Variants in NEB observed in about 807,000 individuals in gnomAD.
The protein encoded by NEB is nemaline myopathy type 2.
A neutral mutation model predicts 952.2 loss-of-function variants in NEB; 512 were observed. The ratio of observed to expected loss-of-function variants is 0.54; its 90% CI spans 0.50 to 0.58. The LOEUF (loss-of-function observed/expected upper bound fraction) is 0.58. Among genes scored for constraint, NEB ranks in the 20% least tolerant of loss-of-function variants. NEB has a pLI of 0.00. For synonymous variants in NEB, 2,900 were observed against 3,149.8 expected (o/e 0.92, Z 2.66); for missense variants, 8,428 against 9,231.1 (o/e 0.91, Z 3.56).
At position 151,697,373 on chromosome 2, in the gene NEB, T is replaced by A; in HGVS notation, c.1342A>T (p.Lys448Ter). Residue 448 changes from lysine (K) to a stop codon, truncating the protein, a stop_gained, in exon 15 of 182, where the codon AAA becomes TAA. Transcript: ENST00000397345. LOFTEE classifies it high-confidence loss of function. ...FEDPYHSHCM[K>*]VTAQNSDKNY... ...ACATCACTGTTTTGAGCTGTGACTT[T>A]CATGCAGTGTGAATGGTATGGATCC... 1 of 1,613,928 alleles carries A rather than the reference T, an allele frequency of 6.2e-7. No individual in the cohort carries two copies. The highest frequency in any genetic ancestry group is 8.5e-7 in the Non-Finnish European group (1 of 1,179,806).
At chr2:151,636,086 A>G (rs1444607206) in intron 64 of NEB, 141 bp downstream of exon 64, 4 of 721,652 alleles carry the variant, frequency 5.5e-6, no homozygotes, top group Non-Finnish European at 9.1e-6. Flanking sequence ...ATTTCCCTTA[A>G]AACTGAGGTT....
At chr2:151,506,550 T>C (rs1411120405) in intron 163 of NEB, among the ~76,000 whole-genome samples, 3 of 152,118 alleles carry the variant, frequency 2.0e-5, no homozygotes, top group Non-Finnish European at 4.4e-5. Flanking sequence ...CCTCCCCATA[T>C]GTAACACAAA....
chr2:151,548,245 T>C (rs980623311), intron 131 of NEB, 63 bp downstream of exon 131: 72 of 1,344,938 alleles, frequency 5.4e-5, no homozygotes, highest in Non-Finnish European at 6.4e-6. Context: ...TCTTAATGCA[T>C]TTCAAACAAA....
At chr2:151,556,922 C>G (rs111428600) in intron 124 of NEB, among the ~76,000 whole-genome samples, 7,867 of 152,006 alleles carry the variant, frequency 0.052, 654 homozygotes, top group African/African-American at 0.18. Context: ...CAGGAAAGAT[C>G]TAAAACTGAC....
At chr2:151,629,442 T>C (rs998123816) in intron 68 of NEB, 97 bp downstream of exon 68, 10 of 1,006,430 alleles carry the variant, frequency 9.9e-6, no homozygotes, top group African/African-American at 6.5e-5. Flanking sequence ...AACAAGCCAA[T>C]AAATGTGCTT....
intron 76 of NEB, among the ~76,000 whole-genome samples, chr2:151,615,437 G>A (rs1259609866): frequency 6.6e-6 from 1 of 152,200 alleles, no homozygotes; most frequent in Admixed American, 6.5e-5. Flanking sequence ...TAGAGAAGAG[G>A]CAAGCGGGTA....
intron 88 of NEB, among the ~76,000 whole-genome samples, chr2:151,601,136 C>T (rs2097509552): frequency 8.5e-6 from 1 of 117,594 alleles, no homozygotes; most frequent in Non-Finnish European, 1.6e-5. Context: ...GAGACAGAGT[C>T]TCGCTCTGCT....
chr2:151,609,214 G>T (rs1291404935), intron 81 of NEB, among the ~76,000 whole-genome samples: 1 of 151,418 alleles, frequency 6.6e-6, no homozygotes, highest in Non-Finnish European at 1.5e-5. Flanking sequence ...AAAAAAAAAA[G>T]GAAAAACATT....
Position 151,643,308 on chromosome 2 carries a change from T to A in NEB, c.8002A>T (p.Met2668Leu). 6.2e-7 allele frequency: 1 copy of A among 1,613,638 alleles called. No homozygotes were observed. Among genetic ancestry groups the A allele is most frequent in the Non-Finnish European group, 8.5e-7 (1 of 1,179,818 alleles). Residue 2668 changes from methionine to leucine, a missense_variant, in exon 58 of 182, where the codon ATG (methionine) becomes TTG (leucine). Met to Leu is a conservative substitution (Grantham distance 15, BLOSUM62 2). Around this residue, in one of 11 missense-constraint regions of NEB, gnomAD observed 1,772 missense variants for 1,960.3 expected, o/e 0.90. Transcript: ENST00000397345. ...TCATCCTCGAGAGAACCACTAGTCA[T>A]CCAGCCAATGCCTTTTAGCCACTGA... ...DLQWLKGIGW[M>L]TSGSLEDEKN... is the part of the protein sequence containing the mutation.
At chr2:151,689,091 T>C (rs1227686594) in intron 24 of NEB, 1 of 151,970 alleles carries the variant, frequency 6.6e-6, no homozygotes, top group Non-Finnish European at 1.5e-5. Context: ...TTCCAGTCTA[T>C]ACTGCTAGGT....
At chr2:151,512,935 G>C (rs1417646991) in intron 160 of NEB, 98 bp from the exon 161 acceptor site, 1 of 773,292 alleles carries the variant, frequency 1.3e-6, no homozygotes, top group Admixed American at 2.3e-5. Flanking sequence ...TCTTTTCCAA[G>C]AGGGACTCAT....
intron 136 of NEB, 108 bp from the exon 137 acceptor site, chr2:151,540,909 T>TA (rs1358858069): frequency 2.2e-6 from 2 of 895,744 alleles, no homozygotes; most frequent in Admixed American, 4.0e-5. Flanking sequence ...GGTATCTGCT[T>TA]ACTGTCCTGA....
chr2:151,627,645 C>A lies in NEB; in HGVS notation c.10021G>T (p.Ala3341Ser), dbSNP rs1574279999. ...SPVDMLGVVL[A>S]KKCQTLVSDV... ...CTGACTAAGGTCTGGCACTTCTTGG[C>A]TAACACCACTCCCAGCATGTCCACT... The change falls in exon 69 of 182, where the codon GCC (alanine) becomes TCC (serine). Residue 3341 changes from alanine to serine, a missense_variant. This residue lies in a region of NEB where 1,772 missense variants were observed against 1,960.3 expected (regional missense o/e 0.90). Coordinates refer to ENST00000397345, the MANE Select transcript of NEB (RefSeq NM_001164508.2). 4 of 1,614,000 alleles carry A rather than the reference C, an allele frequency of 2.5e-6. No individual in the cohort carries two copies. Among genetic ancestry groups the A allele is most frequent in the Non-Finnish European group, 3.4e-6 (4 of 1,179,888 alleles).
intron 13 of NEB, among the ~76,000 whole-genome samples, chr2:151,706,313 TAAACTC>T (rs1307418980): frequency 6.6e-6 from 1 of 152,134 alleles, no homozygotes; most frequent in Non-Finnish European, 1.5e-5. Context: ...CCGTAAGAGA[TAAACTC>T]AAATCATCAC....
chr2:151,697,010 G>A (rs2149346097), intron 16 of NEB, 138 bp downstream of exon 16: 1 of 667,490 alleles, frequency 1.5e-6, no homozygotes, highest in East Asian at 2.7e-5. Context: ...AAAATAGGAT[G>A]TTTACTACAA....
chr2:151,566,636 T>C (rs746128355), intron 114 of NEB, among the ~76,000 whole-genome samples: 6 of 152,216 alleles, frequency 3.9e-5, no homozygotes, highest in Non-Finnish European at 8.8e-5. Context: ...TGTCTTATTC[T>C]CTATCCTAGC....
chr2:151,663,174 G>T (rs532344337), intron 45 of NEB, among the ~76,000 whole-genome samples: 16 of 152,288 alleles, frequency 1.1e-4, no homozygotes, highest in African/African-American at 3.6e-4. Context: ...GGAGGGAGGG[G>T]CTGGAGCTAT....
rs2095133520 is a variant in NEB, at chr2:151,549,618, G to A, written c.20049+18C>T. On this transcript the variant is annotated intron_variant, in intron 130 of 181. Coordinates refer to ENST00000397345, the MANE Select transcript of NEB (RefSeq NM_001164508.2). Reference sequence around the variant, plus strand: ...ACCCCACCTTCAGACCCATCTCAATGAGGAGGAGACCACTCACATAACTGC... The same window carrying A: ...ACCCCACCTTCAGACCCATCTCAATAAGGAGGAGACCACTCACATAACTGC... 6.6e-7 allele frequency: 1 copy of A among 1,514,050 alleles called. No homozygotes were observed. The highest frequency in any genetic ancestry group is 9.1e-7 in the Non-Finnish European group (1 of 1,103,138). 93.8% of individuals were successfully genotyped at this position (1,514,050 alleles called of 1,614,324 possible).
At chr2:151,619,900 T>G in intron 72 of NEB, 138 bp from the exon 73 acceptor site, 2 of 850,694 alleles carry the variant, frequency 2.4e-6, no homozygotes. Context: ...CGCCACATAT[T>G]GGACTGTTGT....
Sources: allele counts gnomAD v4.1 joint callset (sites outside exome capture counted in the v4.1 genomes callset), GRCh38; gene constraint gnomAD v4.1.1; regional missense constraint gnomAD v4.1.1; transcripts MANE v1.5; gene names NCBI Gene and HGNC (gene_info 2026-07-23, HGNC 2026-07-21).